PSMD5: variants seen among roughly 807,000 people sequenced by gnomAD.
PSMD5 encodes the protein proteasome 26S subunit, non-ATPase 5.
In PSMD5, 40 loss-of-function variants were observed where a neutral mutation model predicts 52.1. The ratio of observed to expected loss-of-function variants is 0.77; its 90% confidence interval spans 0.60 to 1.00. The LOEUF is 1.00. PSMD5 is among the 50% of genes least tolerant of loss of function. The pLI is 0.00. For missense variants in PSMD5, 575 were observed against 605.2 expected, an observed-to-expected ratio of 0.95 and a Z score of 0.52; for synonymous variants, 211 against 226.6, an observed-to-expected ratio of 0.93 and a Z score of 0.62.
chr9:120,821,009 A>G (rs370017747), intron 8 of PSMD5, 30 bp from the exon 9 acceptor site: 22 of 1,554,172 alleles, frequency 1.4e-5, no homozygotes, highest in Non-Finnish European at 1.8e-5. Context: ...AATCTCATCA[A>G]AAGTTAACTG....
At chr9:120,835,443 C>T (rs1370602945) in intron 1 of PSMD5, among the ~76,000 whole-genome samples, 6 of 151,948 alleles carry the variant, frequency 3.9e-5, no homozygotes, top group Admixed American at 6.6e-5. Flanking sequence ...AAGTAGATTC[C>T]GCTAGGCTCG....
chr9:120,826,968 T>A lies in PSMD5; in HGVS notation c.672-61A>T, dbSNP rs2045127374. 2.7e-5 allele frequency: 40 copies of A among 1,490,648 alleles called. No individual in the cohort carries two copies. The South Asian group carries it at 4.9e-4, about 18-fold the overall frequency. The allele number at this position is 1,490,648 out of a possible 1,614,324, so 92.3% of individuals were successfully genotyped here. A position where few individuals can be genotyped will look rare whatever the true frequency, so the allele number is the denominator to read the frequency against. Reference sequence around the variant, plus strand: ...GCACAGGATTTGCATAGTTTATAAATTGCTCTCATACAGGTTATCTTATTT... The same window carrying A: ...GCACAGGATTTGCATAGTTTATAAAATGCTCTCATACAGGTTATCTTATTT... On this transcript the variant is annotated intron_variant, in intron 5 of 9. Coordinates refer to ENST00000210313, the MANE Select transcript of PSMD5 (RefSeq NM_005047.4).
At chr9:120,835,729 CA>C (rs112385401) in intron 1 of PSMD5, among the ~76,000 whole-genome samples, 4,939 of 136,614 alleles carry the variant, frequency 0.036, 289 homozygotes, top group East Asian at 0.3. Context: ...AACTCTGTCT[CA>C]AAAAAAAAAA....
At chr9:120,823,110 G>A (rs1226400734) in intron 7 of PSMD5, among the ~76,000 whole-genome samples, 1 of 151,976 alleles carries the variant, frequency 6.6e-6, no homozygotes, top group Non-Finnish European at 1.5e-5. Flanking sequence ...TTCAACATAT[G>A]TGTCTCAAGA....
intron 2 of PSMD5, among the ~76,000 whole-genome samples, chr9:120,832,386 C>G (rs2131430748): frequency 6.6e-6 from 1 of 151,506 alleles, no homozygotes; most frequent in South Asian, 2.1e-4. Context: ...TCCCCCTTTC[C>G]CCCAACCTTT....
rs769847728 is a variant in PSMD5, at chr9:120,842,825, G to C, written c.85C>G (p.Leu29Val). 6.2e-7 allele frequency: 1 copy of C among 1,611,382 alleles called. No homozygotes were observed. Among genetic ancestry groups the C allele is most frequent in the Non-Finnish European group, 8.5e-7 (1 of 1,179,734 alleles). Residue 29 changes from leucine to valine, a missense_variant, in exon 1 of 10, where the codon CTG becomes GTG. By Grantham distance (32) the Leu-to-Val change is conservative. Transcript: ENST00000210313. ...AGCTCGTTGAGCGGCACTGCCTGCA[G>C]CACGGAGTGAAGCGCGCGTAGCTCC... is the stretch of plus-strand genomic sequence containing the variant. Reference protein sequence around the residue: ...LEELRALHSVLQAVPLNELRQ... With the variant: ...LEELRALHSVVQAVPLNELRQ...
chr9:120,831,415 C>T lies in PSMD5; in HGVS notation c.477G>A (p.Leu159=). 1 of 1,612,310 alleles carries T rather than the reference C, an allele frequency of 6.2e-7. No homozygotes were observed. The highest frequency in any genetic ancestry group is 8.5e-7 in the Non-Finnish European group (1 of 1,179,384). The change falls in exon 4 of 10, where the codon CTG becomes CTA. Residue 159 remains leucine, a synonymous_variant. Transcript: ENST00000210313. ...GCAGATTGCTTTCAAATAAAGCCTC[C>T]AGTCCAGCTTGGGTTAGTGATATTC... ...LSRISLTQAG[L]EALFESNLLD...
chr9:120,820,099 GATAA>G (rs2045073327), intron 9 of PSMD5, among the ~76,000 whole-genome samples: 1 of 152,054 alleles, frequency 6.6e-6, no homozygotes, highest in African/African-American at 2.4e-5. Context: ...AAGACAAGTC[GATAA>G]ATAAACATTT....
chr9:120,821,470 A>G lies in PSMD5; in HGVS notation c.1007-6T>C. 1 of 1,557,940 alleles carries G rather than the reference A, an allele frequency of 6.4e-7. No individual in the cohort carries two copies. The highest frequency in any genetic ancestry group is 1.2e-5 in the South Asian group (1 of 85,540). On this transcript the variant is annotated splice_region_variant and splice_polypyrimidine_tract_variant and intron_variant, in intron 7 of 9. Coordinates refer to ENST00000210313, the MANE Select transcript of PSMD5 (RefSeq NM_005047.4). ...CAAGCGTTCAAAGCGAGTTCCTTTG[A>G]AGGATAACAGTGAGATTCTTCTTTA...
At chr9:120,836,522 G>A (rs1328833521) in intron 1 of PSMD5, among the ~76,000 whole-genome samples, 1 of 151,184 alleles carries the variant, frequency 6.6e-6, no homozygotes, top group African/African-American at 2.4e-5. Flanking sequence ...TCAGCCTCCC[G>A]AGTAGCTGGG....
chr9:120,834,007 T>C (rs1254665969), intron 1 of PSMD5, among the ~76,000 whole-genome samples: 3 of 117,878 alleles, frequency 2.5e-5, no homozygotes, highest in Non-Finnish European at 5.0e-5. Context: ...TGAGACAGAG[T>C]CTCGCTCTGT....
chr9:120,836,690 C>G (rs960533345), intron 1 of PSMD5, among the ~76,000 whole-genome samples: 2 of 152,036 alleles, frequency 1.3e-5, no homozygotes, highest in African/African-American at 2.4e-5. Flanking sequence ...AGCCACCATG[C>G]CTGGCCCCAT....
At chr9:120,838,727 GT>G (rs2045214777) in intron 1 of PSMD5, among the ~76,000 whole-genome samples, 1 of 152,160 alleles carries the variant, frequency 6.6e-6, no homozygotes, top group African/African-American at 2.4e-5. Context: ...CCTCACTTCA[GT>G]TCCTACTGCA....
intron 1 of PSMD5, among the ~76,000 whole-genome samples, chr9:120,839,798 CTTTTTT>C (rs5900462): frequency 1.3e-5 from 1 of 78,542 alleles, no homozygotes; most frequent in Admixed American, 1.7e-4. Flanking sequence ...TTTTTTTAAT[CTTTTTT>C]TTTTTTTTTT....
intron 5 of PSMD5, among the ~76,000 whole-genome samples, chr9:120,827,162 A>G (rs998321904): frequency 8.5e-5 from 13 of 152,228 alleles, no homozygotes; most frequent in Admixed American, 3.9e-4. Context: ...TGTTTCCACT[A>G]TAACCTAGCT....
intron 7 of PSMD5, among the ~76,000 whole-genome samples, chr9:120,821,849 T>A (rs1450669805): frequency 6.6e-6 from 1 of 152,262 alleles, no homozygotes; most frequent in Non-Finnish European, 1.5e-5. Context: ...AGAATCTCAT[T>A]CTTTTTAAAG....
Position 120,842,820 on chromosome 9 carries a change from C to T in PSMD5, c.90G>A (p.Gln30=), listed in dbSNP as rs781347034. The T allele has an allele frequency of 1.5e-5, 24 of 1,611,740 alleles. No individual in the cohort carries two copies. The East Asian group carries it at 2.0e-4, about 13-fold the overall frequency. The change falls in exon 1 of 10, where the codon CAG becomes CAA. Residue 30 remains glutamine, a synonymous_variant. Coordinates refer to ENST00000210313, the MANE Select transcript of PSMD5 (RefSeq NM_005047.4). ...EELRALHSVL[Q]AVPLNELRQQ... ...GGCGAAGCTCGTTGAGCGGCACTGC[C>T]TGCAGCACGGAGTGAAGCGCGCGTA...
intron 1 of PSMD5, among the ~76,000 whole-genome samples, chr9:120,835,174 T>C (rs1232420123): frequency 6.6e-6 from 1 of 152,218 alleles, no homozygotes; most frequent in African/African-American, 2.4e-5. Context: ...AACATGCTAT[T>C]TTCACAAAAC....
rs2045053059 is a variant in PSMD5, at chr9:120,817,775, C to T, written c.*131G>A. ...TGTAGAAATATAACAGTGTTGGTAA[C>T]AAAGTAACATCTGACATTCCATGAT... On this transcript the variant is annotated 3_prime_UTR_variant, in exon 10 of 10. Coordinates refer to ENST00000210313, the MANE Select transcript of PSMD5 (RefSeq NM_005047.4). The T allele has an allele frequency of 9.2e-7, 1 of 1,089,832 alleles. No homozygotes were observed. The highest frequency in any genetic ancestry group is 1.6e-5 in the African/African-American group (1 of 63,658). 67.5% of individuals were successfully genotyped at this position (1,089,832 alleles called of 1,614,324 possible). A position where few individuals can be genotyped will look rare whatever the true frequency, so the allele number is the denominator to read the frequency against.
Sources: allele counts gnomAD v4.1 joint callset (sites outside exome capture counted in the v4.1 genomes callset), GRCh38; gene constraint gnomAD v4.1.1; transcripts MANE v1.5; gene names NCBI Gene and HGNC (gene_info 2026-07-23, HGNC 2026-07-21).